Variants in SHLD2 observed in about 807,000 individuals in gnomAD.
SHLD2 encodes RINN1-REV7-interacting novel NHEJ regulator 2.
In SHLD2, 30 loss-of-function variants were observed where a neutral mutation model predicts 73.2. The ratio of observed to expected loss-of-function variants is 0.41; its 90% CI spans 0.31 to 0.56. The LOEUF is 0.56. SHLD2 is among the 20% of genes least tolerant of loss of function. The pLI, the probability that SHLD2 is intolerant of heterozygous loss-of-function variation, is 0.28. For missense variants in SHLD2, 745 were observed against 1,055.9 expected, an observed-to-expected ratio of 0.71 and a Z score of 4.08; for synonymous variants, 285 against 370.1, an observed-to-expected ratio of 0.77 and a Z score of 2.64.
intron 2 of SHLD2, among the ~76,000 whole-genome samples, chr10:87,118,028 A>G (rs1843360781): frequency 6.6e-6 from 1 of 152,158 alleles, no homozygotes; most frequent in Non-Finnish European, 1.5e-5. Flanking sequence ...TGTTACTATT[A>G]ATGATTTAAC....
chr10:87,140,473 C>T (rs1191347896), intron 2 of SHLD2, among the ~76,000 whole-genome samples: 1 of 150,988 alleles, frequency 6.6e-6, no homozygotes, highest in Non-Finnish European at 1.5e-5. Context: ...CATGGTGGCT[C>T]ATGCCTGTAA....
chr10:87,164,212 CCTCCCAAAGTGCTGAGATTGCAGGT>C (rs1322756876), intron 4 of SHLD2, among the ~76,000 whole-genome samples: 56 of 152,164 alleles, frequency 3.7e-4, no homozygotes, highest in African/African-American at 1.2e-3. Context: ...CCCACTTTGG[CCTCCCAAAGTGCTGAGATTGCAGGT>C]GTGAGCCACT....
intron 3 of SHLD2, chr10:87,154,381 A>ATTTTTTT (rs1491242614): frequency 1.3e-5 from 1 of 76,994 alleles, no homozygotes; most frequent in Non-Finnish European, 3.0e-5. Context: ...AGAATATTTA[A>ATTTTTTT]TATTTTTTTT....
intron 2 of SHLD2, among the ~76,000 whole-genome samples, chr10:87,150,723 G>A (rs1267635170): frequency 2.0e-5 from 3 of 151,678 alleles, no homozygotes; most frequent in Non-Finnish European, 4.4e-5. Context: ...TGGCAACACT[G>A]CAGTCCAGCC....
chr10:87,130,430 G>A (rs528320493), intron 2 of SHLD2, among the ~76,000 whole-genome samples: 254 of 151,358 alleles, frequency 1.7e-3, no homozygotes, highest in African/African-American at 5.8e-3. Flanking sequence ...AGCCTCCCCC[G>A]CACCAATGTG....
Position 87,191,044 on chromosome 10 carries a change from ACTGCTGCAGTG to A in SHLD2, c.*364_*374del, listed in dbSNP as rs1489412776. Reference sequence around the variant, plus strand: ...CCACAGAGAAGACATTCCCTCAGAAACTGCTGCAGTGCTTTCGCTTATCCCTACCTAAAAAA... The same window carrying A: ...CCACAGAGAAGACATTCCCTCAGAAACTTTCGCTTATCCCTACCTAAAAAA... On this transcript the variant is annotated 3_prime_UTR_variant, in exon 10 of 10. Coordinates refer to ENST00000298786, the MANE Select transcript of SHLD2 (RefSeq NM_001330112.2). 2 of 269,306 alleles carry A rather than the reference ACTGCTGCAGTG, an allele frequency of 7.4e-6. No individual in the cohort carries two copies. Among genetic ancestry groups the A allele is most frequent in the African/African-American group, 4.5e-5 (2 of 44,282 alleles). 16.7% of individuals were successfully genotyped at this position (269,306 alleles called of 1,614,324 possible). A position where few individuals can be genotyped will look rare whatever the true frequency, so the allele number is the denominator to read the frequency against.
chr10:87,151,426 A>G lies in SHLD2; in HGVS notation c.72A>G (p.Glu24=). Residue 24 remains glutamate (E), a synonymous_variant, in exon 3 of 10, where the codon GAA becomes GAG. Transcript: ENST00000298786. ...CTCCACTGAAAATCACAGTATCAGA[A>G]GACACAGCTTCTTTAATGTCTGTTG... ...PIAPLKITVS[E]DTASLMSVAD... is the part of the protein sequence containing the mutation. The G allele has an allele frequency of 6.2e-7, 1 of 1,607,872 alleles. No individual in the cohort carries two copies. The highest frequency in any genetic ancestry group is 8.5e-7 in the Non-Finnish European group (1 of 1,178,546).
At chr10:87,157,791 A>C (rs567457277) in intron 3 of SHLD2, among the ~76,000 whole-genome samples, 1 of 152,236 alleles carries the variant, frequency 6.6e-6, no homozygotes, top group Non-Finnish European at 1.5e-5. Flanking sequence ...AAAAACTATT[A>C]AGCCTTTTTT....
intron 2 of SHLD2, among the ~76,000 whole-genome samples, chr10:87,106,970 C>T (rs1296336232): frequency 6.6e-6 from 1 of 151,844 alleles, no homozygotes; most frequent in Admixed American, 6.6e-5. Context: ...TAGTTACTGT[C>T]CTCCACAGTT....
intron 4 of SHLD2, among the ~76,000 whole-genome samples, chr10:87,168,485 G>C (rs1490179514): frequency 6.6e-6 from 1 of 151,312 alleles, no homozygotes; most frequent in African/African-American, 2.4e-5. Context: ...TGTGGCCCCA[G>C]CTATTTGGGA....
At chr10:87,106,072 C>T (rs890631334) in intron 2 of SHLD2, among the ~76,000 whole-genome samples, 1 of 152,026 alleles carries the variant, frequency 6.6e-6, no homozygotes, top group Admixed American at 6.6e-5. Flanking sequence ...GGTGGGATCT[C>T]GGCTCACTGG....
chr10:87,180,164 A>G lies in SHLD2; in HGVS notation c.2260A>G (p.Lys754Glu), dbSNP rs779340471. Residue 754 changes from lysine (K) to glutamate (E), a missense_variant, in exon 8 of 10, where the codon AAG (lysine) becomes GAG (glutamate). Transcript: ENST00000298786. ...AGCGCTAAATGCTCACAGTTCTCTG[A>G]AGAGTATTTTTTCTTCTCTTCCCAA... ...KIALNAHSSL[K>E]SIFSSLPNIV... 3.0e-5 allele frequency: 49 copies of G among 1,613,850 alleles called. No homozygotes were observed. The Middle Eastern group carries it at 9.9e-4, about 33-fold the overall frequency.
chr10:87,094,681 A>G, upstream of SHLD2: 1 of 1,512,234 alleles, frequency 6.6e-7, no homozygotes, highest in Non-Finnish European at 8.8e-7. This position sits in a 1 kb window ranked among gnomAD's most constrained non-coding sequence, Gnocchi z 6.6. Context: ...GGCCCAGCCC[A>G]GCAACGCGGC....
chr10:87,147,939 C>CT (rs1163277975), intron 2 of SHLD2, among the ~76,000 whole-genome samples: 1 of 151,298 alleles, frequency 6.6e-6, no homozygotes, highest in African/African-American at 2.4e-5. Context: ...CTCACTGTAA[C>CT]TTCTGCCTCC....
At chr10:87,141,717 C>A (rs1845207962) in intron 2 of SHLD2, among the ~76,000 whole-genome samples, 1 of 152,084 alleles carries the variant, frequency 6.6e-6, no homozygotes, top group African/African-American at 2.4e-5. Context: ...GATCATTATG[C>A]AACATGGATA....
chr10:87,153,689 A>T (rs1244112625), intron 3 of SHLD2, among the ~76,000 whole-genome samples: 5 of 151,978 alleles, frequency 3.3e-5, no homozygotes, highest in African/African-American at 1.2e-4. Context: ...CCTGTTTTAG[A>T]TTTTACATGC....
At chr10:87,183,867 C>G (rs540021535) in intron 8 of SHLD2, among the ~76,000 whole-genome samples, 1 of 152,334 alleles carries the variant, frequency 6.6e-6, no homozygotes, top group East Asian at 1.9e-4. Flanking sequence ...TCTTCTACCC[C>G]CTCTTTAAAT....
intron 2 of SHLD2, among the ~76,000 whole-genome samples, chr10:87,103,345 G>T (rs17428716): frequency 0.35 from 52,742 of 151,796 alleles, 9,601 homozygotes; most frequent in African/African-American, 0.44. Flanking sequence ...TGGAAGTGGG[G>T]ATACTATGGA....
Position 87,177,408 on chromosome 10 carries a change from G to A in SHLD2, c.2170+1313G>A, listed in dbSNP as rs549292432. Among the ~76,000 whole-genome samples, 25 of 152,024 alleles carry A rather than the reference G, an allele frequency of 1.6e-4. 1 individual carries two copies. The highest frequency in any genetic ancestry group is 3.9e-4 in the East Asian group (2 of 5,178). On this transcript the variant is annotated intron_variant, in intron 7 of 9. Coordinates refer to ENST00000298786, the MANE Select transcript of SHLD2 (RefSeq NM_001330112.2). ...CCCACTTGTTTGAGGACGCAGCCAGGAATTGTGCATGTTCTTGGAAGTCCT... is the reference window on the plus strand; with the variant it reads ...CCCACTTGTTTGAGGACGCAGCCAGAAATTGTGCATGTTCTTGGAAGTCCT...
Sources: gnomAD v4.1 joint callset for allele counts (sites outside exome capture counted in the v4.1 genomes callset) on GRCh38, gnomAD v4.1.1 for gene constraint, Gnocchi (gnomAD v3.1) non-coding constraint, MANE v1.5 for transcripts, NCBI Gene and HGNC (gene_info 2026-07-23, HGNC 2026-07-21) for gene names.